Variants in CHST11 observed in about 807,000 individuals in gnomAD.
CHST11 encodes the protein C4S-1.
A neutral mutation model predicts 30.4 loss-of-function variants in CHST11; 9 were observed. The ratio of observed to expected loss-of-function variants is 0.30; its 90% CI spans 0.18 to 0.52. CHST11 has a LOEUF of 0.52. Ranked by LOEUF, CHST11 falls within the 20% of genes least tolerant of loss-of-function variation. CHST11 has a pLI of 0.97. For synonymous variants in CHST11, 152 were observed against 187.8 expected (o/e 0.81, Z 1.56); for missense variants, 348 against 460.6 (o/e 0.76, Z 2.24).
intron 2 of CHST11, among the ~76,000 whole-genome samples, chr12:104,698,983 C>T (rs981940317): frequency 4.6e-5 from 7 of 152,208 alleles, no homozygotes; most frequent in African/African-American, 1.4e-4. Flanking sequence ...AGGGAAGACT[C>T]TTCACTGGCT....
intron 2 of CHST11, among the ~76,000 whole-genome samples, chr12:104,662,821 C>T (rs2039609153): frequency 6.6e-6 from 1 of 152,100 alleles, no homozygotes; most frequent in South Asian, 2.1e-4. Flanking sequence ...AATTGATTTA[C>T]TAATATTTTT....
chr12:104,544,768 G>GCCCCC (rs1555231405), intron 1 of CHST11, among the ~76,000 whole-genome samples: 9 of 51,982 alleles, frequency 1.7e-4, no homozygotes, highest in East Asian at 8.9e-3. Flanking sequence ...GGGGGTCACA[G>GCCCCC]TCCCCCCACC....
Position 104,633,151 on chromosome 12 carries a change from G to A in CHST11, c.204+31160G>A, listed in dbSNP as rs374332470. ...GGGGCTGCCCTGGGTTTGATGTTGTGCTCTCTTCTAATGCTGGAAATATTC... is the reference window on the plus strand; with the variant it reads ...GGGGCTGCCCTGGGTTTGATGTTGTACTCTCTTCTAATGCTGGAAATATTC... On this transcript the variant is annotated intron_variant, in intron 2 of 2. Coordinates refer to ENST00000303694, the MANE Select transcript of CHST11 (RefSeq NM_018413.6). 3.0e-4 allele frequency among the ~76,000 whole-genome samples: 46 copies of A among 152,292 alleles called. No individual in the cohort carries two copies. In the South Asian group the frequency reaches 9.1e-3, roughly 30 times the overall value.
At chr12:104,744,881 A>AC (rs2040378125) in intron 2 of CHST11, among the ~76,000 whole-genome samples, 3 of 148,568 alleles carry the variant, frequency 2.0e-5, no homozygotes, top group Non-Finnish European at 4.5e-5. Flanking sequence ...TTATTTATTT[A>AC]TTTATTTTTT....
At chr12:104,618,538 T>C (rs2039131283) in intron 2 of CHST11, among the ~76,000 whole-genome samples, 1 of 152,174 alleles carries the variant, frequency 6.6e-6, no homozygotes, top group African/African-American at 2.4e-5. Context: ...CCTAGCCAAG[T>C]ATTTTTTTTC....
intron 1 of CHST11, among the ~76,000 whole-genome samples, chr12:104,507,086 C>T (rs1303739880): frequency 6.6e-6 from 1 of 152,100 alleles, no homozygotes; most frequent in African/African-American, 2.4e-5. Flanking sequence ...TCCCAGAAGG[C>T]ATCTTTGGAG....
intron 2 of CHST11, among the ~76,000 whole-genome samples, chr12:104,686,232 T>A (rs1271943452): frequency 3.0e-5 from 3 of 99,140 alleles, no homozygotes; most frequent in Non-Finnish European, 4.1e-5. Context: ...ACTCACCTCT[T>A]AAAAAAAAAA....
chr12:104,601,384 G>A (rs2136046705), intron 1 of CHST11, among the ~76,000 whole-genome samples: 1 of 152,312 alleles, frequency 6.6e-6, no homozygotes, highest in South Asian at 2.1e-4. Flanking sequence ...TTCACTAAAA[G>A]TAACATAATT....
At chr12:104,548,322 A>T (rs1253703715) in intron 1 of CHST11, among the ~76,000 whole-genome samples, 3 of 152,156 alleles carry the variant, frequency 2.0e-5, no homozygotes, top group Non-Finnish European at 4.4e-5. Context: ...CTGGGGAAAA[A>T]TTCTGATTTG....
Position 104,761,529 on chromosome 12 carries a change from C to A in CHST11, c.*3726C>A. The A allele has an allele frequency of 6.6e-6, 1 of 152,166 alleles. No homozygotes were observed. Among genetic ancestry groups the A allele is most frequent in the Non-Finnish European group, 1.5e-5 (1 of 68,724 alleles). The allele number at this position is 152,166 out of a possible 1,614,324, so 9.4% of individuals were successfully genotyped here. On this transcript the variant is annotated 3_prime_UTR_variant, in exon 3 of 3. Transcript: ENST00000303694. Reference sequence around the variant, plus strand: ...CTCAGCTGCGCCATTCTGTGCAATCCCAGTGACCAAATCCCTTCCTTGCCC... The same window carrying A: ...CTCAGCTGCGCCATTCTGTGCAATCACAGTGACCAAATCCCTTCCTTGCCC...
At chr12:104,488,450 T>C (rs1190342569) in intron 1 of CHST11, among the ~76,000 whole-genome samples, 2 of 151,756 alleles carry the variant, frequency 1.3e-5, no homozygotes. Context: ...TATGTATGTG[T>C]GTATATGCAT....
chr12:104,488,740 C>CGTGTGTGTGT (rs56383997), intron 1 of CHST11, among the ~76,000 whole-genome samples: 12 of 145,868 alleles, frequency 8.2e-5, no homozygotes, highest in African/African-American at 1.3e-4. Context: ...TATGTGTACG[C>CGTGTGTGTGT]GTGTGTGTGT....
chr12:104,585,988 T>G (rs559375574), intron 1 of CHST11, among the ~76,000 whole-genome samples: 2 of 152,308 alleles, frequency 1.3e-5, no homozygotes, highest in African/African-American at 2.4e-5. Context: ...CTCACTTAAT[T>G]TAACTCATTA....
intron 1 of CHST11, among the ~76,000 whole-genome samples, chr12:104,529,496 GAT>G: frequency 6.6e-6 from 1 of 152,284 alleles, no homozygotes; most frequent in South Asian, 2.1e-4. Flanking sequence ...CCCAAATAAT[GAT>G]GACTTTAAAA....
At chr12:104,685,540 A>G (rs1221160578) in intron 2 of CHST11, among the ~76,000 whole-genome samples, 1 of 152,208 alleles carries the variant, frequency 6.6e-6, no homozygotes, top group African/African-American at 2.4e-5. Flanking sequence ...TACTCATTAA[A>G]TGTGTGACCT....
chr12:104,619,227 C>T (rs1429500446), intron 2 of CHST11, among the ~76,000 whole-genome samples: 1 of 152,224 alleles, frequency 6.6e-6, no homozygotes, highest in African/African-American at 2.4e-5. Flanking sequence ...CCTGGATTGT[C>T]AGCTTCTCCT....
rs187150134 is a variant in CHST11, at chr12:104,704,788, G to T, written c.205-52161G>T. Reference sequence around the variant, plus strand: ...GAGGGCTCAGATGCCTGGCTCATTTGTTCTTGGTGGCTTGGCCCCGAGGTA... The same window carrying T: ...GAGGGCTCAGATGCCTGGCTCATTTTTTCTTGGTGGCTTGGCCCCGAGGTA... On this transcript the variant is annotated intron_variant, in intron 2 of 2. Transcript: ENST00000303694. Among the ~76,000 whole-genome samples, 192 of 152,196 alleles carry T rather than the reference G, an allele frequency of 1.3e-3. 3 individuals are homozygous for T. The highest frequency in any genetic ancestry group is 2.1e-4 in the Non-Finnish European group (14 of 68,006).
intron 2 of CHST11, among the ~76,000 whole-genome samples, chr12:104,640,237 A>C (rs902514869): frequency 1.3e-5 from 2 of 152,220 alleles, no homozygotes; most frequent in African/African-American, 4.8e-5. Flanking sequence ...TATTTACTCA[A>C]ATGAGCTAAA....
intron 2 of CHST11, among the ~76,000 whole-genome samples, chr12:104,750,454 T>TTTTTTTTTTTTTG (rs1566064735): frequency 6.5e-5 from 8 of 122,160 alleles, no homozygotes; most frequent in African/African-American, 1.0e-4. Flanking sequence ...TTTTTTTTTT[T>TTTTTTTTTTTTTG]TTGTTGAGAC....
Sources: allele counts gnomAD v4.1 joint callset (sites outside exome capture counted in the v4.1 genomes callset), GRCh38; gene constraint gnomAD v4.1.1; transcripts MANE v1.5; gene names NCBI Gene and HGNC (gene_info 2026-07-23, HGNC 2026-07-21).